The following CCDC148 variants were observed in gnomAD, a reference collection of about 807,000 sequenced individuals.
CCDC148 encodes the protein coiled-coil domain-containing protein 148.
In CCDC148, 89 loss-of-function variants were observed where a neutral mutation model predicts 85.7. The observed-to-expected ratio is 1.04, with a 90% CI of 0.87 to 1.24. CCDC148 has a LOEUF of 1.24. Ranked by LOEUF, CCDC148 falls within the 50% of genes most tolerant of loss-of-function variation. CCDC148 has a pLI of 0.00. For synonymous variants in CCDC148, 230 were observed against 213.9 expected, an observed-to-expected ratio of 1.08 and a Z score of -0.66; for missense variants, 692 against 671.7, an observed-to-expected ratio of 1.03 and a Z score of -0.33.
intron 1 of CCDC148, among the ~76,000 whole-genome samples, chr2:158,396,720 G>T (rs1010553822): frequency 1.3e-5 from 2 of 152,016 alleles, no homozygotes; most frequent in Admixed American, 6.6e-5. Context: ...TATAATGCAT[G>T]TTCAGAAGTT....
At position 158,248,582 on chromosome 2, in the gene CCDC148, A is replaced by G. The variant is rs530527390; in HGVS notation, c.1251+2190T>C. 2.6e-5 allele frequency among the ~76,000 whole-genome samples: 4 copies of G among 152,250 alleles called. No individual in the cohort carries two copies. The South Asian group carries it at 8.3e-4, about 32-fold the overall frequency. ...ACAAATTTGATAGGGCACTTCTTATAGTATGTTTTACTATAAAGTACAGGA... is the reference window on the plus strand; with the variant it reads ...ACAAATTTGATAGGGCACTTCTTATGGTATGTTTTACTATAAAGTACAGGA... On this transcript the variant is annotated intron_variant, in intron 10 of 13. Coordinates refer to ENST00000283233, the MANE Select transcript of CCDC148 (RefSeq NM_138803.4).
intron 9 of CCDC148, among the ~76,000 whole-genome samples, chr2:158,294,518 G>C (rs1691076394): frequency 6.6e-6 from 1 of 152,168 alleles, no homozygotes; most frequent in South Asian, 2.1e-4. Flanking sequence ...AGCCAAAATA[G>C]TAAAAAGAAC....
chr2:158,344,105 ACAC>A (rs1218108295), intron 3 of CCDC148, among the ~76,000 whole-genome samples: 5 of 152,104 alleles, frequency 3.3e-5, no homozygotes, highest in African/African-American at 1.2e-4. Flanking sequence ...GAATCAGTGA[ACAC>A]CACAATTAAA....
chr2:158,257,839 G>A (rs1429115443), intron 9 of CCDC148, among the ~76,000 whole-genome samples: 1 of 151,774 alleles, frequency 6.6e-6, no homozygotes, highest in Non-Finnish European at 1.5e-5. Context: ...AACTTCTAGA[G>A]GAAGAAACAA....
In CCDC148 at chr2:158,241,865, T is replaced by C. The variant is rs181631489; in HGVS notation, c.1251+8907A>G. The stretch of plus-strand genomic sequence containing the variant: ...CAAAATAAAACACAGATTAGAAGAC[T>C]TATGTATATAGTTTACAATAAGGTC... On this transcript the variant is annotated intron_variant, in intron 10 of 13. Transcript: ENST00000283233. 1.2e-4 allele frequency among the ~76,000 whole-genome samples: 19 copies of C among 152,302 alleles called. No individual in the cohort carries two copies. The East Asian group carries it at 3.5e-3, about 28-fold the overall frequency.
intron 1 of CCDC148, among the ~76,000 whole-genome samples, chr2:158,422,742 G>T (rs1386479442): frequency 6.6e-6 from 1 of 152,084 alleles, no homozygotes; most frequent in Non-Finnish European, 1.5e-5. Flanking sequence ...CGAGCAATCA[G>T]GCAGGAGAAA....
chr2:158,380,925 G>A (rs181803700), intron 1 of CCDC148: 15 of 152,236 alleles, frequency 9.9e-5, no homozygotes, highest in Non-Finnish European at 1.6e-4. Context: ...CATGGAAAAA[G>A]TGATTCTTGA....
At chr2:158,444,563 T>C (rs1393125137) in intron 1 of CCDC148, among the ~76,000 whole-genome samples, 2 of 151,952 alleles carry the variant, frequency 1.3e-5, no homozygotes, top group Non-Finnish European at 2.9e-5. Flanking sequence ...GGAGGATTGC[T>C]TGAGCCCAGG....
intron 11 of CCDC148, among the ~76,000 whole-genome samples, chr2:158,208,147 T>C (rs917460574): frequency 3.3e-5 from 5 of 152,176 alleles, no homozygotes; most frequent in Non-Finnish European, 7.3e-5. Flanking sequence ...CCTAGGGATC[T>C]TGGATTTGGA....
intron 3 of CCDC148, among the ~76,000 whole-genome samples, chr2:158,342,819 A>G (rs1486537790): frequency 1.3e-5 from 2 of 152,214 alleles, no homozygotes; most frequent in Admixed American, 6.5e-5. Flanking sequence ...TGGTACCAGA[A>G]TGAAACGAGG....
At chr2:158,298,065 C>T (rs1182447302) in intron 9 of CCDC148, among the ~76,000 whole-genome samples, 15 of 152,178 alleles carry the variant, frequency 9.9e-5, no homozygotes, top group Non-Finnish European at 1.5e-5. Context: ...TGTCCTTCTT[C>T]ACATGGTATC....
intron 1 of CCDC148, among the ~76,000 whole-genome samples, chr2:158,385,311 C>A (rs567414635): frequency 2.4e-4 from 36 of 152,256 alleles, no homozygotes; most frequent in African/African-American, 8.7e-4. Flanking sequence ...AGAGATAGCT[C>A]AACAAGTTCA....
intron 1 of CCDC148, among the ~76,000 whole-genome samples, chr2:158,429,086 C>T (rs11680987): frequency 0.35 from 51,377 of 148,202 alleles, 10,003 homozygotes; most frequent in Middle Eastern, 0.48. Context: ...AATTGAACAA[C>T]GAGAACACTT....
intron 11 of CCDC148, among the ~76,000 whole-genome samples, chr2:158,219,672 T>A (rs999743384): frequency 3.9e-5 from 6 of 152,194 alleles, no homozygotes; most frequent in African/African-American, 1.4e-4. Context: ...TCTCAATAAT[T>A]GGCTTCCAGC....
At position 158,363,981 on chromosome 2, in the gene CCDC148, T is replaced by A. The variant is rs191466992; in HGVS notation, c.26-5411A>T. 3.9e-3 allele frequency among the ~76,000 whole-genome samples: 599 copies of A among 152,262 alleles called. 2 individuals carry two copies. Among genetic ancestry groups the A allele is most frequent in the Non-Finnish European group, 5.9e-3 (398 of 68,024 alleles). ...TTCAGCAAAGTCTCAGGATACAAAA[T>A]CAATGTGCAAAAATCACAGGCATTC... On this transcript the variant is annotated intron_variant, in intron 1 of 13. Transcript: ENST00000283233.
At chr2:158,380,218 C>T (rs1211161153) in intron 1 of CCDC148, among the ~76,000 whole-genome samples, 1 of 151,988 alleles carries the variant, frequency 6.6e-6, no homozygotes, top group African/African-American at 2.4e-5. Flanking sequence ...TGGAGAAAAA[C>T]TGGAAATGAC....
intron 1 of CCDC148, among the ~76,000 whole-genome samples, chr2:158,404,712 A>G (rs1428837032): frequency 6.6e-6 from 1 of 152,148 alleles, no homozygotes; most frequent in Non-Finnish European, 1.5e-5. Context: ...AAAATAGCTC[A>G]GCAGTTATCC....
chr2:158,313,641 G>C (rs1014303226), intron 8 of CCDC148, 115 bp downstream of exon 8: 2 of 1,058,230 alleles, frequency 1.9e-6, no homozygotes, highest in African/African-American at 3.3e-5. Flanking sequence ...ATTTTCTAGA[G>C]GGTAGGAAAA....
chr2:158,331,288 T>A (rs1027184788), intron 7 of CCDC148, among the ~76,000 whole-genome samples: 2 of 152,196 alleles, frequency 1.3e-5, no homozygotes, highest in Non-Finnish European at 2.9e-5. Flanking sequence ...CAGGAGCAGG[T>A]TGTTCAGTTT....
Sources: gnomAD v4.1 joint callset for allele counts (sites outside exome capture counted in the v4.1 genomes callset) on GRCh38, gnomAD v4.1.1 for gene constraint, MANE v1.5 for transcripts, NCBI Gene and HGNC (gene_info 2026-07-23, HGNC 2026-07-21) for gene names.